The following MYH14 variants were observed in gnomAD, a reference collection of about 807,000 sequenced individuals.
MYH14 encodes the protein myosin heavy chain 14.
MYH14 carries 123 observed loss-of-function variants against 255.5 expected under a neutral mutation model. That is an observed-to-expected ratio of 0.48 (90% CI 0.42 to 0.56). The LOEUF (loss-of-function observed/expected upper bound fraction) is 0.56. MYH14 is among the 20% of genes least tolerant of loss of function. MYH14 has a pLI of 0.00. For missense variants in MYH14, 2,423 were observed against 2,802.3 expected, an observed-to-expected ratio of 0.86 and a Z score of 3.06; for synonymous variants, 1,095 against 1,161.2, an observed-to-expected ratio of 0.94 and a Z score of 1.16.
At chr19:50,272,077 A>C (rs564363562) in intron 26 of MYH14, 105 bp downstream of exon 26, 1 of 1,473,002 alleles carries the variant, frequency 6.8e-7, no homozygotes, top group African/African-American at 1.4e-5. Flanking sequence ...GCTAAATGGG[A>C]TAGGAAGGAA....
chr19:50,224,032 T>TGGCCCCCCCCCCCCCCCCCCCCC, intron 5 of MYH14, 122 bp from the exon 6 acceptor site: 2 of 610,332 alleles, frequency 3.3e-6, no homozygotes, highest in Non-Finnish European at 3.0e-6. Context: ...ATGCCCGGTT[T>TGGCCCCCCCCCCCCCCCCCCCCC]CCCCAGTCCC....
Position 50,259,285 on chromosome 19 carries a change from C to CA in MYH14, c.2354+21dup, listed in dbSNP as rs767211145. 8.7e-5 allele frequency: 136 copies of CA among 1,556,940 alleles called. No individual in the cohort carries two copies. In the African/African-American group the frequency reaches 1.7e-3, roughly 19 times the overall value. Reference sequence around the variant, plus strand: ...GCAGCGGTGAGCTAGAGCGAGGGCCCAGGCCCGGCGGAGGGGCTGGGTGGG... The same window carrying CA: ...GCAGCGGTGAGCTAGAGCGAGGGCCCAAGGCCCGGCGGAGGGGCTGGGTGGG... On this transcript the variant is annotated intron_variant, in intron 19 of 42. Transcript: ENST00000642316.
In MYH14 at chr19:50,276,201, C is replaced by G; in HGVS notation, c.3678C>G (p.Leu1226=). 1.3e-6 allele frequency: 2 copies of G among 1,533,958 alleles called. No homozygotes were observed. Among genetic ancestry groups the G allele is most frequent in the South Asian group, 2.4e-5 (2 of 82,844 alleles). The change falls in exon 28 of 43, where the codon CTC becomes CTG. Residue 1226 remains leucine (L), a splice_region_variant and synonymous_variant. Coordinates refer to ENST00000642316, the MANE Select transcript of MYH14 (RefSeq NM_001145809.2). The surrounding 1 kb of genome is among the most constrained non-coding windows in gnomAD (Gnocchi z 4.3). Reference sequence around the variant, plus strand: ...ACTCCACCAACGCACAGCAGGAGCTCCGGTGAGGCCCGGTGGCAGGCCGCT... The same window carrying G: ...ACTCCACCAACGCACAGCAGGAGCTGCGGTGAGGCCCGGTGGCAGGCCGCT... ...TLDSTNAQQE[L]RSKREQEVTE...
At chr19:50,254,016 G>C (rs1427561519) in intron 16 of MYH14, among the ~76,000 whole-genome samples, 1 of 152,162 alleles carries the variant, frequency 6.6e-6, no homozygotes, top group Non-Finnish European at 1.5e-5. Context: ...TCGGGAGTTT[G>C]AGACCAGCCT....
At chr19:50,261,815 G>C (rs1168548626) in intron 21 of MYH14, among the ~76,000 whole-genome samples, 180 bp downstream of exon 21, 1 of 152,082 alleles carries the variant, frequency 6.6e-6, no homozygotes, top group Non-Finnish European at 1.5e-5. Flanking sequence ...CCTGTGGGCA[G>C]GGCAGGCCCT....
chr19:50,230,953 G>T lies in MYH14; in HGVS notation c.973+330G>T. 1 of 324,934 alleles carries T rather than the reference G, an allele frequency of 3.1e-6. No homozygotes were observed. Among genetic ancestry groups the T allele is most frequent in the South Asian group, 3.6e-5 (1 of 27,682 alleles). The allele number at this position is 324,934 out of a possible 1,614,324, so 20.1% of individuals were successfully genotyped here. On this transcript the variant is annotated intron_variant, in intron 9 of 42. Transcript: ENST00000642316. This position sits in a 1 kb window ranked among gnomAD's most constrained non-coding sequence, Gnocchi z 4.7. Reference sequence around the variant, plus strand: ...CGCGCGGCTTCTCCTCACTCCGGCGGGTGACTCCGGCTTTGCTGAGGCTCC... The same window carrying T: ...CGCGCGGCTTCTCCTCACTCCGGCGTGTGACTCCGGCTTTGCTGAGGCTCC...
At chr19:50,240,317 G>A (rs987146061) in intron 10 of MYH14, among the ~76,000 whole-genome samples, 1 of 152,196 alleles carries the variant, frequency 6.6e-6, no homozygotes, top group African/African-American at 2.4e-5. Context: ...GGTGGCTTAT[G>A]CCTGTAATCC....
intron 1 of MYH14, among the ~76,000 whole-genome samples, chr19:50,208,455 C>A (rs1026538855): frequency 7.7e-6 from 1 of 130,268 alleles, no homozygotes; most frequent in South Asian, 2.6e-4. Context: ...AACAAACAAA[C>A]AAAAAAACCC....
In MYH14 at chr19:50,309,673, G is replaced by T; in HGVS notation, c.5994G>T (p.Val1998=). ...RGPLTFTTRT[V]RQVFRLEEGV... ...CCCTCACCTTCACCACCCGCACGGTGCGCCAGGTCTTCCGACTAGAGGAGG... is the reference window on the plus strand; with the variant it reads ...CCCTCACCTTCACCACCCGCACGGTTCGCCAGGTCTTCCGACTAGAGGAGG... Residue 1998 remains valine, a synonymous_variant, in exon 43 of 43, where the codon GTG becomes GTT. Transcript: ENST00000642316. 6.2e-7 allele frequency: 1 copy of T among 1,609,798 alleles called. No individual in the cohort carries two copies. The highest frequency in any genetic ancestry group is 1.1e-5 in the South Asian group (1 of 90,148).
chr19:50,288,555 G>A (rs887489631), intron 34 of MYH14, among the ~76,000 whole-genome samples: 1 of 152,226 alleles, frequency 6.6e-6, no homozygotes, highest in Non-Finnish European at 1.5e-5. Flanking sequence ...AAATTGGCAA[G>A]TACCAAATAG....
At position 50,252,792 on chromosome 19, in the gene MYH14, G is replaced by T. The variant is rs1429257036; in HGVS notation, c.1945+39G>T. 2.8e-6 allele frequency: 4 copies of T among 1,423,726 alleles called. No individual in the cohort carries two copies. Among genetic ancestry groups the T allele is most frequent in the East Asian group, 5.0e-5 (2 of 40,318 alleles). 88.2% of individuals were successfully genotyped at this position (1,423,726 alleles called of 1,614,324 possible). A position where few individuals can be genotyped will look rare whatever the true frequency, so the allele number is the denominator to read the frequency against. On this transcript the variant is annotated intron_variant, in intron 16 of 42. Coordinates refer to ENST00000642316, the MANE Select transcript of MYH14 (RefSeq NM_001145809.2). The surrounding 1 kb of genome is among the most constrained non-coding windows in gnomAD (Gnocchi z 4.2). ...TCCCCCACCCCGGCTCTAGGGGTCT[G>T]TGCGGCCATTCTCCAAATCCACAGC... is the stretch of plus-strand genomic sequence containing the variant.
intron 30 of MYH14, 74 bp from the exon 31 acceptor site, chr19:50,279,963 A>C: frequency 5.8e-6 from 6 of 1,027,946 alleles, no homozygotes; most frequent in Non-Finnish European, 9.0e-6. Flanking sequence ...CCAGTGTGGT[A>C]GAGAGTTGAG....
chr19:50,303,205 C>A (rs2123483188), intron 40 of MYH14, among the ~76,000 whole-genome samples: 1 of 152,216 alleles, frequency 6.6e-6, no homozygotes, highest in South Asian at 2.1e-4. Flanking sequence ...AGTTGAGGGT[C>A]AGCTAGATGG....
At chr19:50,240,186 G>T (rs1348603178) in intron 10 of MYH14, among the ~76,000 whole-genome samples, 4 of 152,198 alleles carry the variant, frequency 2.6e-5, no homozygotes. Context: ...GGAGAGGCCA[G>T]TTCCACAGAC....
chr19:50,227,268 T>C (rs549969818), intron 8 of MYH14, among the ~76,000 whole-genome samples: 1 of 151,908 alleles, frequency 6.6e-6, no homozygotes, highest in Non-Finnish European at 1.5e-5. Context: ...TAGAGCAGTA[T>C]AAGCAAAGGG....
At chr19:50,302,284 TAA>T (rs57153887) in intron 40 of MYH14, among the ~76,000 whole-genome samples, 7 of 117,338 alleles carry the variant, frequency 6.0e-5, no homozygotes, top group Admixed American at 8.9e-5. Context: ...ACCTTGTCTC[TAA>T]AAAAAAAAAA....
At chr19:50,275,882 C>G in intron 27 of MYH14, 109 bp from the exon 28 acceptor site, 1 of 810,048 alleles carries the variant, frequency 1.2e-6, no homozygotes, top group Non-Finnish European at 2.0e-6. Context: ...AGGATTCTAA[C>G]CTGGGACTGG....
intron 25 of MYH14, 115 bp downstream of exon 25, chr19:50,271,661 TG>T: frequency 2.0e-6 from 3 of 1,465,386 alleles, no homozygotes; most frequent in Non-Finnish European, 2.8e-6. Context: ...TGTGCACCGG[TG>T]GGGGTGGGAT....
At position 50,261,584 on chromosome 19, in the gene MYH14, C is replaced by G. The variant is rs772726321; in HGVS notation, c.2534C>G (p.Thr845Ser). The G allele has an allele frequency of 6.2e-7, 1 of 1,603,220 alleles. No homozygotes were observed. Among genetic ancestry groups the G allele is most frequent in the Admixed American group, 1.7e-5 (1 of 59,066 alleles). The change falls in exon 21 of 43, where the codon ACC becomes AGC. Residue 845 changes from threonine (T) to serine (S), a missense_variant. Thr to Ser is a moderately conservative substitution (Grantham distance 58). Transcript: ENST00000642316. ...GAAGAGGAGCGAGACCTGAAGGTCACCGACATCATCGTCTCCTTCCAGGCA... is the reference window on the plus strand; with the variant it reads ...GAAGAGGAGCGAGACCTGAAGGTCAGCGACATCATCGTCTCCTTCCAGGCA... ...QLEEERDLKV[T>S]DIIVSFQAAA... is the part of the protein sequence containing the mutation.
Sources: gnomAD v4.1 joint callset for allele counts (sites outside exome capture counted in the v4.1 genomes callset) on GRCh38, gnomAD v4.1.1 for gene constraint, Gnocchi (gnomAD v3.1) non-coding constraint, MANE v1.5 for transcripts, NCBI Gene and HGNC (gene_info 2026-07-23, HGNC 2026-07-21) for gene names.